Variants in SLC1A4 observed in about 807,000 individuals in gnomAD.
SLC1A4 encodes the protein neutral amino acid transporter A.
SLC1A4 carries 19 observed loss-of-function variants against 37.7 expected under a neutral mutation model. That is an observed-to-expected ratio of 0.50 (90% CI 0.35 to 0.74). The LOEUF (loss-of-function observed/expected upper bound fraction) is 0.74, where lower values mean the gene tolerates loss of function less well. Among genes scored for constraint, SLC1A4 ranks in the 30% least tolerant of loss-of-function variants. The pLI is 0.01. For synonymous variants in SLC1A4, 299 were observed against 309.8 expected (o/e 0.97, Z 0.37); for missense variants, 570 against 712.9 (o/e 0.80, Z 2.28).
At chr2:64,996,107 T>C (rs1278686705) in intron 1 of SLC1A4, among the ~76,000 whole-genome samples, 1 of 142,010 alleles carries the variant, frequency 7.0e-6, no homozygotes, top group African/African-American at 2.7e-5. Flanking sequence ...CTAGATTTAG[T>C]AGTGTATCTT....
upstream of SLC1A4, chr2:64,989,334 T>TGGGGCCGCTGGC (rs1162627675): frequency 4.0e-5 from 10 of 250,424 alleles, no homozygotes; most frequent in African/African-American, 2.3e-4. Context: ...GTGAGCGGGC[T>TGGGGCCGCTGGC]GGGGCCGCTG....
chr2:65,003,047 G>T (rs1363663357), intron 2 of SLC1A4, among the ~76,000 whole-genome samples: 2 of 152,166 alleles, frequency 1.3e-5, no homozygotes, highest in Non-Finnish European at 2.9e-5. Flanking sequence ...TATATATAAT[G>T]TGAGGTAGGA....
At chr2:65,016,762 G>A in intron 5 of SLC1A4, 89 bp downstream of exon 5, 1 of 835,034 alleles carries the variant, frequency 1.2e-6, no homozygotes, top group Non-Finnish European at 2.0e-6. Context: ...CCAGTGTCTT[G>A]ACATACTTTA....
At chr2:64,990,246 T>C in intron 1 of SLC1A4, 76 bp downstream of exon 1, 2 of 1,299,264 alleles carry the variant, frequency 1.5e-6, no homozygotes, top group South Asian at 3.0e-5. Flanking sequence ...TACACCCATA[T>C]GCTTATACAC....
At chr2:64,990,840 G>C (rs759117886) in intron 1 of SLC1A4, among the ~76,000 whole-genome samples, 4 of 152,220 alleles carry the variant, frequency 2.6e-5, no homozygotes, top group Non-Finnish European at 5.9e-5. Context: ...GTGCGAAAGT[G>C]TGAGTTCTAG....
At chr2:65,005,702 A>AG (rs80317428) in intron 3 of SLC1A4, among the ~76,000 whole-genome samples, 36,504 of 152,198 alleles carry the variant, frequency 0.24, 5,423 homozygotes, top group East Asian at 0.56. Flanking sequence ...TTTAAAAAAA[A>AG]CTAATTGTTG....
Position 65,014,998 on chromosome 2 carries a change from C to G in SLC1A4, c.801-1442C>G, listed in dbSNP as rs77939122. Among the ~76,000 whole-genome samples, 471 of 152,296 alleles carry G rather than the reference C, an allele frequency of 3.1e-3. 3 individuals are homozygous for G. The highest frequency in any genetic ancestry group is 0.014 in the Middle Eastern group (4 of 294). ...GACATACAACAGAATATTATTCAGC[C>G]TTAGAAAGGAGTACAATTCTAGCTC... On this transcript the variant is annotated intron_variant, in intron 4 of 7. Transcript: ENST00000234256.
chr2:65,011,161 C>T (rs1353803871), intron 4 of SLC1A4, among the ~76,000 whole-genome samples: 1 of 152,202 alleles, frequency 6.6e-6, no homozygotes, highest in Non-Finnish European at 1.5e-5. Flanking sequence ...AAATGATAGA[C>T]TTGAAGCTTC....
chr2:65,015,658 AG>A (rs763049497), intron 4 of SLC1A4, among the ~76,000 whole-genome samples: 6 of 152,200 alleles, frequency 3.9e-5, no homozygotes, highest in Admixed American at 6.5e-5. Flanking sequence ...GTCTCCAGGG[AG>A]GGGAAATCTG....
Position 64,989,970 on chromosome 2 carries a change from C to T in SLC1A4, c.327C>T (p.Cys109=), listed in dbSNP as rs1471758261. The T allele has an allele frequency of 8.9e-6, 14 of 1,580,934 alleles. No homozygotes were observed. Among genetic ancestry groups the T allele is most frequent in the Non-Finnish European group, 1.2e-5 (14 of 1,163,462 alleles). The change falls in exon 1 of 8, where the codon TGC becomes TGT. Residue 109 remains cysteine, a synonymous_variant. Transcript: ENST00000234256. ...GCGCCGCCTCGCTCGATGCCAGCTG[C>T]CTCGGGCGTCTGGGCGGCATCGCTG... is the stretch of plus-strand genomic sequence containing the variant. ...VSGAASLDAS[C]LGRLGGIAVA... is the part of the protein sequence containing the mutation.
At position 65,021,368 on chromosome 2, in the gene SLC1A4, T is replaced by C. The variant is rs953616070; in HGVS notation, c.*222T>C. 9.2e-5 allele frequency: 52 copies of C among 567,722 alleles called. No individual in the cohort carries two copies. The highest frequency in any genetic ancestry group is 3.4e-4 in the Admixed American group (11 of 31,978). The allele number at this position is 567,722 out of a possible 1,614,324, so 35.2% of individuals were successfully genotyped here. A position where few individuals can be genotyped will look rare whatever the true frequency, so the allele number is the denominator to read the frequency against. ...ACACTCTGACATTCGGCTTGATCCA[T>C]GTCCAGGTGCAACTGTGTGTACACC... On this transcript the variant is annotated 3_prime_UTR_variant, in exon 8 of 8. Coordinates refer to ENST00000234256, the MANE Select transcript of SLC1A4 (RefSeq NM_003038.5).
intron 4 of SLC1A4, chr2:65,011,505 T>A (rs1359268603): frequency 6.6e-6 from 1 of 151,610 alleles, no homozygotes; most frequent in African/African-American, 2.4e-5. Context: ...TGACCTCAGG[T>A]GATCTACCTG....
At position 65,016,550 on chromosome 2, in the gene SLC1A4, G is replaced by A; in HGVS notation, c.911G>A (p.Gly304Asp). The change falls in exon 5 of 8, where the codon GGC (glycine) becomes GAC (aspartate). Residue 304 changes from glycine to aspartate, a missense_variant. Physicochemically the swap from Gly to Asp is moderately conservative, Grantham distance 94. Transcript: ENST00000234256. ...AAATACATCTTCGCATCTATATTGG[G>A]CCATGTTATTCATGGAGGAATTGTT... ...LGKYIFASIL[G>D]HVIHGGIVLP... 3.1e-6 allele frequency: 5 copies of A among 1,614,016 alleles called. No individual in the cohort carries two copies. The highest frequency in any genetic ancestry group is 4.2e-6 in the Non-Finnish European group (5 of 1,179,880).
At chr2:65,006,438 G>A (rs752890127) in intron 3 of SLC1A4, among the ~76,000 whole-genome samples, 5 of 152,128 alleles carry the variant, frequency 3.3e-5, no homozygotes, top group Non-Finnish European at 5.9e-5. Context: ...GTTGCAGTGA[G>A]CTGAGATTCT....
At position 64,990,177 on chromosome 2, in the gene SLC1A4, C is replaced by T. The variant is rs377363472; in HGVS notation, c.527+7C>T. On this transcript the variant is annotated splice_region_variant and intron_variant, in intron 1 of 7. Transcript: ENST00000234256. ...CTTTCCTCGACCTGGCCAGGTAACA[C>T]TCTCCACCTCTCCCAGGGCCCAGTG... 14 of 1,583,798 alleles carry T rather than the reference C, an allele frequency of 8.8e-6. No individual in the cohort carries two copies. The African/African-American group carries it at 1.8e-4, about 20-fold the overall frequency.
chr2:65,003,791 C>T (rs1277758351), intron 2 of SLC1A4, among the ~76,000 whole-genome samples, 162 bp from the exon 3 acceptor site: 1 of 152,178 alleles, frequency 6.6e-6, no homozygotes, highest in Non-Finnish European at 1.5e-5. Flanking sequence ...AGCTTTTTCA[C>T]AGTTCTCAGA....
At chr2:64,991,445 A>C (rs1202433962) in intron 1 of SLC1A4, among the ~76,000 whole-genome samples, 2 of 97,112 alleles carry the variant, frequency 2.1e-5, no homozygotes, top group African/African-American at 4.0e-5. Flanking sequence ...TTTTTTTTTT[A>C]AAGTCTGGGT....
intron 7 of SLC1A4, among the ~76,000 whole-genome samples, chr2:65,020,610 G>A (rs566440046): frequency 1.3e-5 from 2 of 152,142 alleles, no homozygotes; most frequent in East Asian, 1.9e-4. Flanking sequence ...TATAAAATAC[G>A]TGTATAGAAA....
At chr2:64,990,501 C>G (rs973168987) in intron 1 of SLC1A4, among the ~76,000 whole-genome samples, 2 of 152,308 alleles carry the variant, frequency 1.3e-5, no homozygotes, top group East Asian at 3.9e-4. Flanking sequence ...CTGCTCTCCC[C>G]GGTAAAAATG....
Sources: gnomAD v4.1 joint callset for allele counts (sites outside exome capture counted in the v4.1 genomes callset) on GRCh38, gnomAD v4.1.1 for gene constraint, MANE v1.5 for transcripts, NCBI Gene and HGNC (gene_info 2026-07-23, HGNC 2026-07-21) for gene names.